Variants in TBXT observed in about 807,000 individuals in gnomAD.
TBXT encodes the protein T brachyury transcription factor.
In TBXT, 19 loss-of-function variants were observed where a neutral mutation model predicts 41.1. The ratio of observed to expected loss-of-function variants is 0.46; its 90% CI spans 0.32 to 0.68. The LOEUF (loss-of-function observed/expected upper bound fraction) is 0.68, where lower values mean the gene tolerates loss of function less well. Ranked by LOEUF, TBXT falls within the 30% of genes least tolerant of loss-of-function variation. The pLI, the probability that TBXT is intolerant of heterozygous loss-of-function variation, is 0.03. For missense variants in TBXT, 536 were observed against 582.0 expected, an observed-to-expected ratio of 0.92 and a Z score of 0.81; for synonymous variants, 213 against 238.9, an observed-to-expected ratio of 0.89 and a Z score of 1.00.
In TBXT at chr6:166,166,304, G is replaced by T. The variant is rs149175121; in HGVS notation, c.471+288C>A. 5.5e-3 allele frequency among the ~76,000 whole-genome samples: 837 copies of T among 152,266 alleles called. 7 individuals are homozygous for T. The highest frequency in any genetic ancestry group is 0.019 in the African/African-American group (784 of 41,530). ...ATTTAAATGCGACTTTGCCATCAAG[G>T]CTGATATCTTTTCCACCCCCAGGAG... On this transcript the variant is annotated intron_variant, in intron 2 of 7. Transcript: ENST00000366876.
At chr6:166,166,495 C>A in intron 2 of TBXT, 97 bp downstream of exon 2, 1 of 1,588,262 alleles carries the variant, frequency 6.3e-7, no homozygotes. Context: ...ACGTCGCCTC[C>A]CGTTCAAGCA....
At position 166,162,484 on chromosome 6, in the gene TBXT, G is replaced by T. The variant is rs1320463246; in HGVS notation, c.870C>A (p.Pro290=). 1 of 1,614,174 alleles carries T rather than the reference G, an allele frequency of 6.2e-7. No individual in the cohort carries two copies. Among genetic ancestry groups the T allele is most frequent in the South Asian group, 1.1e-5 (1 of 91,076 alleles). ...TCCGATGAGCATAGGGGCTGGGGTA[G>T]GGTGAGGACCGGTGGCTCCTCAGGG... is the stretch of plus-strand genomic sequence containing the variant. ...YPTLRSHRSS[P]YPSPYAHRNN... The change falls in exon 6 of 8, where the codon CCC becomes CCA. Residue 290 remains proline (P), a synonymous_variant. Coordinates refer to ENST00000366876, the MANE Select transcript of TBXT (RefSeq NM_001366285.2).
intron 7 of TBXT, among the ~76,000 whole-genome samples, chr6:166,159,731 C>T (rs986119827): frequency 6.6e-6 from 1 of 152,160 alleles, no homozygotes; most frequent in African/African-American, 2.4e-5. Flanking sequence ...CTGTTTTAAA[C>T]AAGTCTGAGT....
intron 1 of TBXT, 107 bp from the exon 2 acceptor site, chr6:166,166,963 C>G: frequency 6.3e-7 from 1 of 1,578,816 alleles, no homozygotes. Flanking sequence ...AGAGGAGCCC[C>G]CTGGGGAACG....
At chr6:166,168,171 TGCCCCAGCCC>T (rs1219189929), upstream of TBXT, among the ~76,000 whole-genome samples, 1,847 of 134,852 alleles carry the variant, frequency 0.014, 43 homozygotes, top group African/African-American at 0.062. Context: ...CGCCCCGGCC[TGCCCCAGCCC>T]GCCCCAGCCC....
chr6:166,160,935 G>A lies in TBXT; in HGVS notation c.939C>T (p.Ser313=), dbSNP rs541928116. 13 of 1,614,062 alleles carry A rather than the reference G, an allele frequency of 8.1e-6. No individual in the cohort carries two copies. In the African/African-American group the frequency reaches 1.7e-4, roughly 22 times the overall value. Residue 313 remains serine (S), a synonymous_variant, in exon 7 of 8, where the codon TCC becomes TCT. Coordinates refer to ENST00000366876, the MANE Select transcript of TBXT (RefSeq NM_001366285.2). The stretch of plus-strand genomic sequence containing the variant: ...ACCAATTGTCATGGGATTGCAGCAT[G>A]GATAAACATGCAGGTGAGTTGTCAG... ...TYSDNSPACL[S]MLQSHDNWSS... is the part of the protein sequence containing the mutation.
At chr6:166,166,440 C>T in intron 2 of TBXT, 152 bp downstream of exon 2, 1 of 1,244,592 alleles carries the variant, frequency 8.0e-7, no homozygotes. Context: ...ATAAACAGCG[C>T]TAAAGGCCTT....
chr6:166,158,555 G>A lies in TBXT; in HGVS notation c.1071C>T (p.Gly357=), dbSNP rs762185412. The change falls in exon 8 of 8, where the codon GGC becomes GGT. Residue 357 remains glycine (G), a synonymous_variant. Transcript: ENST00000366876. Reference sequence around the variant, plus strand: ...CTGCCTGGGAGCCCGGGGTGACGGCGCCGTTGCTCACAGACCACAGGCTGG... The same window carrying A: ...CTGCCTGGGAGCCCGGGGTGACGGCACCGTTGCTCACAGACCACAGGCTGG... ...QYPSLWSVSN[G]AVTPGSQAAA... 2.2e-5 allele frequency: 35 copies of A among 1,585,120 alleles called. No individual in the cohort carries two copies. Among genetic ancestry groups the A allele is most frequent in the Middle Eastern group, 1.7e-4 (1 of 5,884 alleles).
intron 7 of TBXT, among the ~76,000 whole-genome samples, chr6:166,158,923 A>C (rs960989784): frequency 6.6e-6 from 1 of 152,238 alleles, no homozygotes; most frequent in African/African-American, 2.4e-5. Flanking sequence ...CTGTAATCCC[A>C]GTACTTTGGG....
rs1052924640 is a variant in TBXT, at chr6:166,158,088, C to G, written c.*227G>C. 7 of 668,318 alleles carry G rather than the reference C, an allele frequency of 1.0e-5. No homozygotes were observed. The highest frequency in any genetic ancestry group is 1.8e-5 in the Non-Finnish European group (7 of 391,618). The allele number at this position is 668,318 out of a possible 1,614,324, so 41.4% of individuals were successfully genotyped here. On this transcript the variant is annotated 3_prime_UTR_variant, in exon 8 of 8. Transcript: ENST00000366876. ...GCATCATCTCCACAGTTGGGTTCAT[C>G]TGTAAGCCACCTGGGACAGCACCGC...
intron 7 of TBXT, 132 bp from the exon 8 acceptor site, chr6:166,158,720 T>C: frequency 9.0e-7 from 1 of 1,108,722 alleles, no homozygotes; most frequent in Non-Finnish European, 1.2e-6. Flanking sequence ...AAACAGGTCA[T>C]TTTCTCCAAA....
chr6:166,167,175 A>C (rs943439882), intron 1 of TBXT, among the ~76,000 whole-genome samples: 1 of 152,228 alleles, frequency 6.6e-6, no homozygotes, highest in Non-Finnish European at 1.5e-5. Flanking sequence ...CGGGACACCG[A>C]AGTGCGCGTT....
Position 166,166,751 on chromosome 6 carries a change from G to T in TBXT, c.312C>A (p.Tyr104Ter), listed in dbSNP as rs759679493. ...FVAADNHRWK[Y>*]VNGEWVPGGK... ...CCCCCGGCACCCATTCCCCGTTCAC[G>T]TACTTCCAGCGGTGGTTGTCCGCCG... The change falls in exon 2 of 8, where the codon TAC becomes TAA. Residue 104 changes from tyrosine (Y) to a stop codon, truncating the protein, a stop_gained. Coordinates refer to ENST00000366876, the MANE Select transcript of TBXT (RefSeq NM_001366285.2). LOFTEE classifies it high-confidence loss of function. 1 of 1,613,778 alleles carries T rather than the reference G, an allele frequency of 6.2e-7. No individual in the cohort carries two copies. The highest frequency in any genetic ancestry group is 8.5e-7 in the Non-Finnish European group (1 of 1,180,042).
At chr6:166,162,810 C>T (rs906784361) in intron 5 of TBXT, among the ~76,000 whole-genome samples, 187 bp from the exon 6 acceptor site, 1 of 150,770 alleles carries the variant, frequency 6.6e-6, no homozygotes, top group African/African-American at 2.4e-5. Context: ...CTCCAGAGAG[C>T]AGAGCCCAGG....
rs1189156441 is a variant in TBXT, at chr6:166,166,786, C to CT, written c.276_277insA (p.Asp93ArgfsTer73). 6.2e-7 allele frequency: 1 copy of CT among 1,613,924 alleles called. No homozygotes were observed. The highest frequency in any genetic ancestry group is 8.5e-7 in the Non-Finnish European group (1 of 1,180,056). On this transcript the variant is annotated frameshift_variant, in exon 2 of 8. Coordinates refer to ENST00000366876, the MANE Select transcript of TBXT (RefSeq NM_001366285.2). LOFTEE classifies it high-confidence loss of function. ...CGGTGGTTGTCCGCCGCCACGAAGT[C>CT]CAGCAGGAAGGAGTACATGGCGTTG...
At position 166,167,451 on chromosome 6, in the gene TBXT, C is replaced by T. The variant is rs770766611; in HGVS notation, c.141G>A (p.Glu47=). The T allele has an allele frequency of 6.2e-7, 1 of 1,613,114 alleles. No homozygotes were observed. Among genetic ancestry groups the T allele is most frequent in the Non-Finnish European group, 8.5e-7 (1 of 1,179,964 alleles). Residue 47 remains glutamate (E), a synonymous_variant, in exon 1 of 8, where the codon GAG becomes GAA. Coordinates refer to ENST00000366876, the MANE Select transcript of TBXT (RefSeq NM_001366285.2). ...TGAAGCGCAGCCACAGCTCGCTCTC[C>T]TCCAGGCCCACGCGCAGTTCGCGCT... ...PTERELRVGL[E]ESELWLRFKE...
Position 166,158,516 on chromosome 6 carries a change from G to A in TBXT, c.1110C>T (p.Asn370=), listed in dbSNP as rs369470652. The A allele has an allele frequency of 2.7e-5, 43 of 1,606,890 alleles. No individual in the cohort carries two copies. The African/African-American group carries it at 4.4e-4, about 16-fold the overall frequency. The stretch of plus-strand genomic sequence containing the variant: ...CCCGGAAGAACTGGGCCCCCAGCCC[G>A]TTGGACACGGCTGCTGCCTGGGAGC... ...TPGSQAAAVS[N]GLGAQFFRGS... Residue 370 remains asparagine (N), a synonymous_variant, in exon 8 of 8, where the codon AAC becomes AAT. Coordinates refer to ENST00000366876, the MANE Select transcript of TBXT (RefSeq NM_001366285.2).
Position 166,167,477 on chromosome 6 carries a change from C to G in TBXT, c.115G>C (p.Glu39Gln), listed in dbSNP as rs760479099. The G allele has an allele frequency of 6.2e-7, 1 of 1,611,952 alleles. No homozygotes were observed. Among genetic ancestry groups the G allele is most frequent in the South Asian group, 1.1e-5 (1 of 91,072 alleles). ...TCCAGGCCCACGCGCAGTTCGCGCT[C>G]TGTGGGGTCGCCCTTCTCGCTGCCC... ...QAGSEKGDPT[E>Q]RELRVGLEES... The change falls in exon 1 of 8, where the codon GAG (glutamate) becomes CAG (glutamine). Residue 39 changes from glutamate to glutamine, a missense_variant. Physicochemically the swap from Glu to Gln is conservative, Grantham distance 29. Coordinates refer to ENST00000366876, the MANE Select transcript of TBXT (RefSeq NM_001366285.2).
Position 166,158,331 on chromosome 6 carries a change from G to A in TBXT, c.1295C>T (p.Ser432Leu), listed in dbSNP as rs372990504. ...GRLIASWTPV[S>L]PPSM Reference sequence around the variant, plus strand: ...CTTGCTGCTTCACATGGAAGGTGGCGACACAGGTGTCCATGAGGCTATGAG... The same window carrying A: ...CTTGCTGCTTCACATGGAAGGTGGCAACACAGGTGTCCATGAGGCTATGAG... Residue 432 changes from serine (S) to leucine (L), a missense_variant, in exon 8 of 8, where the codon TCG becomes TTG. Coordinates refer to ENST00000366876, the MANE Select transcript of TBXT (RefSeq NM_001366285.2). The A allele has an allele frequency of 4.4e-5, 71 of 1,614,132 alleles. No homozygotes were observed. The highest frequency in any genetic ancestry group is 1.8e-4 in the South Asian group (16 of 91,084).
Sources: allele counts gnomAD v4.1 joint callset (sites outside exome capture counted in the v4.1 genomes callset), GRCh38; gene constraint gnomAD v4.1.1; transcripts MANE v1.5; gene names NCBI Gene and HGNC (gene_info 2026-07-23, HGNC 2026-07-21).